CRTC1: variants seen among roughly 807,000 people sequenced by gnomAD.
CRTC1 encodes CREB regulated transcription coactivator 1.
In CRTC1, 18 loss-of-function variants were observed where a neutral mutation model predicts 66.1. The ratio of observed to expected loss-of-function variants is 0.27; its 90% CI spans 0.19 to 0.40. The LOEUF is 0.40. Ranked by LOEUF, CRTC1 falls within the 10% of genes least tolerant of loss-of-function variation. The probability of loss-of-function intolerance (pLI) is 1.00; values close to 1 mark genes in which losing one functional copy is unlikely to be tolerated. For synonymous variants in CRTC1, 416 were observed against 398.8 expected, an observed-to-expected ratio of 1.04 and a Z score of -0.51; for missense variants, 669 against 887.9, an observed-to-expected ratio of 0.75 and a Z score of 3.13.
rs2055069254 is a variant in CRTC1 at position 18,779,849 on chromosome 19, G to A, written c.*2467G>A. ...TGGACCGAGGTCCGAGCTTGCCAGG[G>A]ACAGTGGGGCCCACGCGAGTACCCG... On this transcript the variant is annotated 3_prime_UTR_variant, in exon 14 of 14. Transcript: ENST00000321949. 2.6e-5 allele frequency: 6 copies of A among 227,966 alleles called. No individual in the cohort carries two copies. Among genetic ancestry groups the A allele is most frequent in the East Asian group, 1.3e-4 (2 of 15,902 alleles). The allele number at this position is 227,966 out of a possible 1,614,324, so 14.1% of individuals were successfully genotyped here.
intron 1 of CRTC1, among the ~76,000 whole-genome samples, chr19:18,742,130 G>A (rs906507705): frequency 3.3e-5 from 5 of 152,174 alleles, no homozygotes; most frequent in African/African-American, 1.2e-4. Context: ...ATGGGTCAGG[G>A]GCCTCTGTTA....
intron 1 of CRTC1, among the ~76,000 whole-genome samples, chr19:18,728,108 A>G (rs2053801699): frequency 6.6e-6 from 1 of 152,146 alleles, no homozygotes; most frequent in East Asian, 1.9e-4. Context: ...TATTTGTTAC[A>G]GCAGCCTCAG....
In CRTC1 at chr19:18,710,176, C is replaced by A. The variant is rs114965115; in HGVS notation, c.126+26348C>A. Among the ~76,000 whole-genome samples the A allele has an allele frequency of 1.9e-3, 293 of 152,274 alleles. 1 individual carries two copies. Among genetic ancestry groups the A allele is most frequent in the African/African-American group, 6.7e-3 (279 of 41,554 alleles). ...GGCCACCTTCCCCCCACCCCATTTC[C>A]AGCTTGTTTTCTGCACAGCCCCACT... On this transcript the variant is annotated intron_variant, in intron 1 of 13. Coordinates refer to ENST00000321949, the MANE Select transcript of CRTC1 (RefSeq NM_015321.3).
At chr19:18,729,281 C>G (rs1026392225) in intron 1 of CRTC1, among the ~76,000 whole-genome samples, 2 of 150,956 alleles carry the variant, frequency 1.3e-5, no homozygotes, top group African/African-American at 4.8e-5. Context: ...AAAAAATTAG[C>G]CGGGCGTGGC....
intron 9 of CRTC1, among the ~76,000 whole-genome samples, chr19:18,767,850 C>T (rs1355471479): frequency 6.6e-6 from 1 of 152,250 alleles, no homozygotes; most frequent in Non-Finnish European, 1.5e-5. Context: ...CCTGGGCACG[C>T]TCAGCCTTTC....
intron 1 of CRTC1, among the ~76,000 whole-genome samples, chr19:18,733,606 A>C (rs73923156): frequency 6.6e-6 from 1 of 152,144 alleles, no homozygotes; most frequent in African/African-American, 2.4e-5. Context: ...ATCATTCCCT[A>C]TCGCTTCCCA....
At chr19:18,728,563 A>C (rs2053812135) in intron 1 of CRTC1, among the ~76,000 whole-genome samples, 1 of 151,926 alleles carries the variant, frequency 6.6e-6, no homozygotes, top group African/African-American at 2.4e-5. Context: ...GCTGGGGTGC[A>C]ATAGTGCGAT....
chr19:18,694,504 T>A (rs2052936852), intron 1 of CRTC1, among the ~76,000 whole-genome samples: 1 of 152,092 alleles, frequency 6.6e-6, no homozygotes, highest in South Asian at 2.1e-4. Flanking sequence ...GATCATGCGG[T>A]CCACTGTGGC....
intron 11 of CRTC1, among the ~76,000 whole-genome samples, chr19:18,772,217 G>A (rs768576544): frequency 7.9e-5 from 12 of 152,104 alleles, no homozygotes; most frequent in Admixed American, 5.2e-4. Flanking sequence ...ATGCCCCTTC[G>A]TTCTGCCTGG....
chr19:18,759,548 C>T lies in CRTC1; in HGVS notation c.625-3C>T. 2 of 1,612,662 alleles carry T rather than the reference C, an allele frequency of 1.2e-6. No homozygotes were observed. Among genetic ancestry groups the T allele is most frequent in the Non-Finnish European group, 1.7e-6 (2 of 1,179,516 alleles). On this transcript the variant is annotated splice_polypyrimidine_tract_variant and splice_region_variant and intron_variant, in intron 6 of 13. Coordinates refer to ENST00000321949, the MANE Select transcript of CRTC1 (RefSeq NM_015321.3). ...GCTCAGGCTCTCCTGTCTTCTCTTT[C>T]AGACGGGGTCCAGGCCCAAGTCCTG... is the stretch of plus-strand genomic sequence containing the variant.
At position 18,722,665 on chromosome 19, in the gene CRTC1, G is replaced by A. The variant is rs1238153546; in HGVS notation, c.127-20245G>A. ...GAAATTAAGCATTTTAGAGCATGCC[G>A]TGGTGGCGTGTAGCACACTCCCAGT... On this transcript the variant is annotated intron_variant, in intron 1 of 13. Transcript: ENST00000321949. Among the ~76,000 whole-genome samples the A allele has an allele frequency of 4.6e-5, 7 of 152,184 alleles. No individual in the cohort carries two copies. In the South Asian group the frequency reaches 6.2e-4, roughly 14 times the overall value.
At chr19:18,704,265 T>C (rs2053211045) in intron 1 of CRTC1, among the ~76,000 whole-genome samples, 1 of 152,186 alleles carries the variant, frequency 6.6e-6, no homozygotes, top group South Asian at 2.1e-4. Context: ...CCATCATGCC[T>C]GGCTTTGTTT....
At chr19:18,765,612 C>T in intron 9 of CRTC1, 84 bp downstream of exon 9, 1 of 1,351,916 alleles carries the variant, frequency 7.4e-7, no homozygotes, top group Non-Finnish European at 1.0e-6. Context: ...GCCTCCTGTT[C>T]CTTCCAGGAG....
At chr19:18,749,976 C>G (rs552379573) in intron 5 of CRTC1, 101 bp downstream of exon 5, 1 of 878,276 alleles carries the variant, frequency 1.1e-6, no homozygotes, top group Admixed American at 2.0e-5. Context: ...GATGGCTCTT[C>G]AAAGGAAGAC....
At chr19:18,726,185 G>C (rs2053747816) in intron 1 of CRTC1, among the ~76,000 whole-genome samples, 1 of 152,270 alleles carries the variant, frequency 6.6e-6, no homozygotes, top group Admixed American at 6.5e-5. Context: ...CCAGGTTAGA[G>C]GGCAGGAACG....
At chr19:18,717,560 G>A (rs983115331) in intron 1 of CRTC1, among the ~76,000 whole-genome samples, 56 of 152,278 alleles carry the variant, frequency 3.7e-4, no homozygotes, top group Non-Finnish European at 4.4e-5. Context: ...TGTGTGTGGG[G>A]CACTGGGGCC....
intron 4 of CRTC1, among the ~76,000 whole-genome samples, chr19:18,747,682 C>G (rs998142750): frequency 2.3e-4 from 35 of 152,142 alleles, no homozygotes; most frequent in African/African-American, 8.0e-4. Context: ...GTAGCTTGCT[C>G]TTTCCTATTT....
At chr19:18,732,868 T>G (rs1007074683) in intron 1 of CRTC1, among the ~76,000 whole-genome samples, 2 of 151,818 alleles carry the variant, frequency 1.3e-5, no homozygotes, top group African/African-American at 2.4e-5. Context: ...GGCAGGAGGA[T>G]CACTTGAGGC....
intron 11 of CRTC1, among the ~76,000 whole-genome samples, chr19:18,772,366 G>A (rs1240513060): frequency 2.0e-5 from 3 of 152,100 alleles, no homozygotes. Flanking sequence ...ACATCCAGCC[G>A]CCAACTTTTT....
Sources: allele counts gnomAD v4.1 joint callset (sites outside exome capture counted in the v4.1 genomes callset), GRCh38; gene constraint gnomAD v4.1.1; transcripts MANE v1.5; gene names NCBI Gene and HGNC (gene_info 2026-07-23, HGNC 2026-07-21).